GLRA1: variants seen among roughly 807,000 people sequenced by gnomAD.
GLRA1 encodes glycine receptor alpha 1.
GLRA1 carries 37 observed loss-of-function variants against 48.3 expected under a neutral mutation model. The observed-to-expected ratio is 0.77, with a 90% CI of 0.59 to 1.01. GLRA1 has a LOEUF of 1.01. Ranked by LOEUF, GLRA1 falls within the 50% of genes least tolerant of loss-of-function variation. GLRA1 has a pLI of 0.00. For synonymous variants in GLRA1, 196 were observed against 210.7 expected (o/e 0.93, Z 0.60); for missense variants, 427 against 571.0 (o/e 0.75, Z 2.57).
chr5:151,844,621 CAAAAA>C (rs202218874), intron 7 of GLRA1, among the ~76,000 whole-genome samples: 2 of 49,744 alleles, frequency 4.0e-5, no homozygotes, highest in East Asian at 6.1e-4. Context: ...TACTCTATCT[CAAAAA>C]AAAAAAAAAA....
chr5:151,843,429 A>T (rs6579910), intron 7 of GLRA1, among the ~76,000 whole-genome samples: 67,458 of 151,066 alleles, frequency 0.45, 15,440 homozygotes, highest in African/African-American at 0.56. Flanking sequence ...CCTGGCTAAT[A>T]TTTTTGTATT....
At chr5:151,895,014 A>T (rs545604386) in intron 1 of GLRA1, among the ~76,000 whole-genome samples, 6 of 152,276 alleles carry the variant, frequency 3.9e-5, no homozygotes, top group African/African-American at 1.4e-4. Context: ...TGTGTCTATG[A>T]TGTAGGTGAG....
chr5:151,850,820 C>G, intron 7 of GLRA1: 1 of 748,854 alleles, frequency 1.3e-6, no homozygotes, highest in Non-Finnish European at 2.4e-6. Context: ...AGCCGTCGAG[C>G]CCCTCCTAGT....
At chr5:151,917,212 A>G (rs538538858) in intron 1 of GLRA1, among the ~76,000 whole-genome samples, 49 of 152,138 alleles carry the variant, frequency 3.2e-4, no homozygotes, top group Non-Finnish European at 6.0e-4. Flanking sequence ...AACAGCATCA[A>G]TCTTCTGGGT....
intron 1 of GLRA1, among the ~76,000 whole-genome samples, chr5:151,911,147 G>A (rs1754599024): frequency 6.6e-6 from 1 of 152,178 alleles, no homozygotes; most frequent in Non-Finnish European, 1.5e-5. Flanking sequence ...ACATCATTCA[G>A]CTTGACTGTT....
intron 3 of GLRA1, among the ~76,000 whole-genome samples, chr5:151,886,231 A>T (rs192606129): frequency 1.3e-5 from 2 of 152,142 alleles, no homozygotes; most frequent in Non-Finnish European, 2.9e-5. Flanking sequence ...AATCATTCTT[A>T]CAATTTTGGT....
At chr5:151,885,956 G>C (rs920930312) in intron 3 of GLRA1, among the ~76,000 whole-genome samples, 1 of 152,110 alleles carries the variant, frequency 6.6e-6, no homozygotes, top group African/African-American at 2.4e-5. Context: ...TTAGGGGCGG[G>C]TGGATGTTCC....
intron 7 of GLRA1, among the ~76,000 whole-genome samples, chr5:151,846,262 TTAA>T (rs1414169398): frequency 3.9e-5 from 6 of 152,210 alleles, no homozygotes; most frequent in Admixed American, 3.9e-4. Context: ...GAGTTGAGTG[TTAA>T]TAACATATGG....
chr5:151,839,422 G>C (rs1413964148), intron 7 of GLRA1, among the ~76,000 whole-genome samples: 1 of 152,174 alleles, frequency 6.6e-6, no homozygotes, highest in Non-Finnish European at 1.5e-5. Flanking sequence ...GTAAATCAAT[G>C]ATTGTAAACC....
Position 151,856,361 on chromosome 5 carries a change from G to C in GLRA1, c.499C>G (p.Pro167Ala), listed in dbSNP as rs772183498. ...ATGGGGAAATTCTTCAAGTCCATGG[G>C]GCAGGCCAGTGTCAGGGTGATTCTG... Reference protein sequence around the residue: ...SIRITLTLACPMDLKNFPMDV... With the variant: ...SIRITLTLACAMDLKNFPMDV... The change falls in exon 5 of 9, where the codon CCC becomes GCC. Residue 167 changes from proline (P) to alanine (A), a missense_variant. By Grantham distance (27) the Pro-to-Ala change is conservative. This residue lies in a region of GLRA1 where 271 missense variants were observed against 434.9 expected (regional missense o/e 0.62). Coordinates refer to ENST00000274576, the MANE Select transcript of GLRA1 (RefSeq NM_000171.4). The C allele has an allele frequency of 6.2e-7, 1 of 1,611,622 alleles. No homozygotes were observed. The highest frequency in any genetic ancestry group is 1.7e-5 in the Admixed American group (1 of 59,998).
intron 3 of GLRA1, among the ~76,000 whole-genome samples, chr5:151,880,118 T>C (rs934844201): frequency 1.3e-5 from 2 of 152,220 alleles, no homozygotes; most frequent in African/African-American, 4.8e-5. Flanking sequence ...TGTAAGTCCA[T>C]TTAAACCTTT....
Position 151,831,112 on chromosome 5 carries a change from C to T in GLRA1, c.913-2045G>A, listed in dbSNP as rs945067524. 2.6e-5 allele frequency among the ~76,000 whole-genome samples: 4 copies of T among 152,344 alleles called. No homozygotes were observed. The East Asian group carries it at 5.8e-4, about 22-fold the overall frequency. ...CTGTGTCATGAGGGATGGTGCACTC[C>T]GGCCCCAGATACTACTCTTTTCCCA... On this transcript the variant is annotated intron_variant, in intron 7 of 8. Coordinates refer to ENST00000274576, the MANE Select transcript of GLRA1 (RefSeq NM_000171.4).
chr5:151,864,108 CCTT>C (rs1753272908), intron 3 of GLRA1, among the ~76,000 whole-genome samples: 1 of 151,110 alleles, frequency 6.6e-6, no homozygotes, highest in African/African-American at 2.4e-5. Context: ...CTCTCCTTCT[CCTT>C]CTCCCTTGGA....
intron 1 of GLRA1, among the ~76,000 whole-genome samples, chr5:151,911,699 G>A (rs541204915): frequency 2.2e-3 from 306 of 138,792 alleles, no homozygotes; most frequent in African/African-American, 7.1e-3. Context: ...TCCACCTCCC[G>A]GGTTCACGCC....
intron 4 of GLRA1, 122 bp from the exon 5 acceptor site, chr5:151,856,505 GT>G: frequency 2.9e-6 from 2 of 681,682 alleles, no homozygotes; most frequent in Admixed American, 4.1e-5. Flanking sequence ...GGGAACTTGT[GT>G]TTGTTTTTTT....
intron 1 of GLRA1, among the ~76,000 whole-genome samples, chr5:151,913,467 T>C (rs1002175570): frequency 1.3e-5 from 2 of 152,140 alleles, no homozygotes; most frequent in Non-Finnish European, 2.9e-5. Flanking sequence ...ATTCAGTTTG[T>C]GTGAAGTAAA....
chr5:151,832,755 C>T (rs955291521), intron 7 of GLRA1, among the ~76,000 whole-genome samples: 10 of 152,300 alleles, frequency 6.6e-5, no homozygotes, highest in African/African-American at 2.4e-4. Flanking sequence ...ACTTCCCCAA[C>T]CTAGCAAGAC....
intron 1 of GLRA1, among the ~76,000 whole-genome samples, chr5:151,920,397 C>T (rs1182619504): frequency 6.6e-6 from 1 of 152,156 alleles, no homozygotes; most frequent in East Asian, 1.9e-4. Context: ...TCCCGCTGCA[C>T]CACATGGCCG....
chr5:151,923,030 G>T (rs539597042), intron 1 of GLRA1, among the ~76,000 whole-genome samples: 12 of 152,308 alleles, frequency 7.9e-5, no homozygotes, highest in Non-Finnish European at 1.5e-4. Context: ...CCCCCATAAA[G>T]TAGCCACATT....
Sources: gnomAD v4.1 joint callset for allele counts (sites outside exome capture counted in the v4.1 genomes callset) on GRCh38, gnomAD v4.1.1 for gene constraint, gnomAD v4.1.1 regional missense constraint, MANE v1.5 for transcripts, NCBI Gene and HGNC (gene_info 2026-07-23, HGNC 2026-07-21) for gene names.